SLC45A1: variants seen among roughly 807,000 people sequenced by gnomAD.
SLC45A1 encodes the protein proton-associated sugar transporter A.
SLC45A1 carries 28 observed loss-of-function variants against 57.6 expected under a neutral mutation model. The ratio of observed to expected loss-of-function variants is 0.49; its 90% CI spans 0.36 to 0.67. The LOEUF is 0.67. SLC45A1 is among the 30% of genes least tolerant of loss of function. The pLI, the probability that SLC45A1 is intolerant of heterozygous loss-of-function variation, is 0.00. For synonymous variants in SLC45A1, 459 were observed against 471.5 expected (o/e 0.97, Z 0.34); for missense variants, 814 against 1,041.5 (o/e 0.78, Z 3.01).
chr1:8,320,182 G>C (rs569769233), intron 1 of SLC45A1, among the ~76,000 whole-genome samples: 1 of 152,346 alleles, frequency 6.6e-6, no homozygotes, highest in Non-Finnish European at 1.5e-5. Context: ...TTCTGGTTCA[G>C]ATGCTAGAGA....
At chr1:8,319,358 C>T (rs1017637183) in intron 1 of SLC45A1, among the ~76,000 whole-genome samples, 6 of 152,302 alleles carry the variant, frequency 3.9e-5, no homozygotes, top group African/African-American at 7.2e-5. Context: ...ATTTTCATAA[C>T]GAGAAGAAAG....
intron 5 of SLC45A1, among the ~76,000 whole-genome samples, chr1:8,332,274 C>T (rs940256877): frequency 2.0e-5 from 3 of 152,178 alleles, no homozygotes; most frequent in South Asian, 2.1e-4. Flanking sequence ...TCTTCATGGA[C>T]GGTGGAAACA....
intron 4 of SLC45A1, among the ~76,000 whole-genome samples, chr1:8,329,636 G>T (rs35745282): frequency 0.019 from 2,820 of 152,346 alleles, 94 homozygotes; most frequent in African/African-American, 0.064. Context: ...TGAGAACAGA[G>T]CAGAAACAGC....
intron 4 of SLC45A1, among the ~76,000 whole-genome samples, chr1:8,329,665 T>A (rs1247600812): frequency 6.6e-6 from 1 of 152,214 alleles, no homozygotes; most frequent in Non-Finnish European, 1.5e-5. Flanking sequence ...GATCCCTGCT[T>A]TTCTGCTGTA....
rs908226875 is a variant in SLC45A1, at chr1:8,326,306, T to C, written c.715+264T>C. 7.2e-5 allele frequency among the ~76,000 whole-genome samples: 11 copies of C among 152,252 alleles called. No homozygotes were observed. The highest frequency in any genetic ancestry group is 2.4e-5 in the African/African-American group (1 of 41,474). ...GGATTCTCATTGTTTGAGGTAGTTA[T>C]GTTCTGCAGAGTCACCACAAACACT... On this transcript the variant is annotated intron_variant, in intron 4 of 8. Coordinates refer to ENST00000471889, the MANE Select transcript of SLC45A1 (RefSeq NM_001080397.3). The surrounding 1 kb of genome is among the most constrained non-coding windows in gnomAD (Gnocchi z 5.5).
Position 8,330,977 on chromosome 1 carries a change from C to T in SLC45A1, c.1443+41C>T, listed in dbSNP as rs772886052. 1 of 1,532,392 alleles carries T rather than the reference C, an allele frequency of 6.5e-7. No homozygotes were observed. Among genetic ancestry groups the T allele is most frequent in the Admixed American group, 1.9e-5 (1 of 52,410 alleles). 94.9% of individuals were successfully genotyped at this position (1,532,392 alleles called of 1,614,324 possible). On this transcript the variant is annotated intron_variant, in intron 5 of 8. Coordinates refer to ENST00000471889, the MANE Select transcript of SLC45A1 (RefSeq NM_001080397.3). The surrounding 1 kb of genome is among the most constrained non-coding windows in gnomAD (Gnocchi z 8.4). ...GGGGGAGCTGAGGCTCAGAGGGTGG[C>T]ATTCGGGGGTCCCCTGGTCAGTTAC...
At position 8,318,148 on chromosome 1, in the gene SLC45A1, C is replaced by T. The variant is rs1639877805; in HGVS notation, c.-63C>T. 4.4e-6 allele frequency: 2 copies of T among 453,156 alleles called. No individual in the cohort carries two copies. The highest frequency in any genetic ancestry group is 3.5e-5 in the East Asian group (1 of 28,270). 28.1% of individuals were successfully genotyped at this position (453,156 alleles called of 1,614,324 possible). ...GGGACCGCGGCCGGGCAGGCAGCAG[C>T]CCAGCGGGGACAGGGATGCCTGCCG... is the stretch of plus-strand genomic sequence containing the variant. On this transcript the variant is annotated 5_prime_UTR_variant, in exon 1 of 9. Transcript: ENST00000471889.
chr1:8,326,430 C>T lies in SLC45A1; in HGVS notation c.715+388C>T, dbSNP rs1487921231. Among the ~76,000 whole-genome samples, 3 of 152,190 alleles carry T rather than the reference C, an allele frequency of 2.0e-5. No individual in the cohort carries two copies. The highest frequency in any genetic ancestry group is 4.4e-5 in the Non-Finnish European group (3 of 68,036). Reference sequence around the variant, plus strand: ...TTTTCATCAACGGATCAACACATAACCTTGTTGTATGTGTTTCTGTTTAAA... The same window carrying T: ...TTTTCATCAACGGATCAACACATAATCTTGTTGTATGTGTTTCTGTTTAAA... On this transcript the variant is annotated intron_variant, in intron 4 of 8. Coordinates refer to ENST00000471889, the MANE Select transcript of SLC45A1 (RefSeq NM_001080397.3). The surrounding 1 kb of genome is among the most constrained non-coding windows in gnomAD (Gnocchi z 5.5).
intron 5 of SLC45A1, among the ~76,000 whole-genome samples, chr1:8,333,914 C>T (rs1288559202): frequency 6.6e-6 from 1 of 152,222 alleles, no homozygotes; most frequent in Non-Finnish European, 1.5e-5. Context: ...ACACAGCGAG[C>T]TCCCGTCTGG....
rs780739839 is a variant in SLC45A1 at position 8,335,608 on chromosome 1, C to T, written c.1597+18C>T. ...CTTCCTGGGTGAGCTCCCGGCCAAG[C>T]CTCCCCGTGAGTCCTGGTCCTGCTC... is the stretch of plus-strand genomic sequence containing the variant. On this transcript the variant is annotated intron_variant, in intron 6 of 8. Transcript: ENST00000471889. This position sits in a 1 kb window ranked among gnomAD's most constrained non-coding sequence, Gnocchi z 4.1. The T allele has an allele frequency of 4.1e-5, 65 of 1,587,012 alleles. No homozygotes were observed. The highest frequency in any genetic ancestry group is 3.4e-4 in the Middle Eastern group (2 of 5,908).
intron 8 of SLC45A1, among the ~76,000 whole-genome samples, chr1:8,341,053 A>G (rs550946484): frequency 8.0e-4 from 121 of 151,934 alleles, no homozygotes; most frequent in African/African-American, 2.9e-3. Context: ...TTAGCTGGGC[A>G]TGGTGGCGCG....
At chr1:8,339,407 G>C (rs1640729991) in intron 7 of SLC45A1, 86 bp from the exon 8 acceptor site, 5 of 1,358,888 alleles carry the variant, frequency 3.7e-6, no homozygotes, top group Non-Finnish European at 1.0e-6. Context: ...GCTAGCTTCA[G>C]GTCAGCCGCC....
intron 8 of SLC45A1, among the ~76,000 whole-genome samples, chr1:8,340,938 G>C (rs975446114): frequency 6.6e-6 from 1 of 152,048 alleles, no homozygotes; most frequent in Non-Finnish European, 1.5e-5. Flanking sequence ...CACACCTGTA[G>C]TCCCAGGTAC....
Position 8,343,652 on chromosome 1 carries a change from C to A in SLC45A1, c.1981-95C>A. 7.0e-7 allele frequency: 1 copy of A among 1,424,470 alleles called. No individual in the cohort carries two copies. Among genetic ancestry groups the A allele is most frequent in the Non-Finnish European group, 9.5e-7 (1 of 1,050,414 alleles). The allele number at this position is 1,424,470 out of a possible 1,614,324, so 88.2% of individuals were successfully genotyped here. ...AAATGTGAGGCCGCTGTGTGTGGGC[C>A]GCTCGGGCCTCCTGGGCTCGCAGGA... On this transcript the variant is annotated intron_variant, in intron 8 of 8. Transcript: ENST00000471889. The surrounding 1 kb of genome is among the most constrained non-coding windows in gnomAD (Gnocchi z 7.7).
rs137918218 is a variant in SLC45A1 at position 8,330,643 on chromosome 1, G to A, written c.1150G>A (p.Gly384Ser). 2.2e-5 allele frequency: 36 copies of A among 1,613,310 alleles called. No homozygotes were observed. The African/African-American group carries it at 3.2e-4, about 14-fold the overall frequency. The change falls in exon 5 of 9, where the codon GGC becomes AGC. Residue 384 changes from glycine (G) to serine (S), a missense_variant. Transcript: ENST00000471889. The surrounding 1 kb of genome is among the most constrained non-coding windows in gnomAD (Gnocchi z 8.4). ...DSVLIDCFTG[G>S]HDSYLAIPGS... is the part of the protein sequence containing the mutation. ...CGTCCTCATTGACTGCTTCACGGGCGGCCACGACAGCTACCTGGCCATCCC... is the reference window on the plus strand; with the variant it reads ...CGTCCTCATTGACTGCTTCACGGGCAGCCACGACAGCTACCTGGCCATCCC...
chr1:8,336,082 C>A (rs1640601729), intron 6 of SLC45A1: 1 of 154,338 alleles, frequency 6.5e-6, no homozygotes, highest in East Asian at 1.9e-4. Flanking sequence ...CATTTAGTCT[C>A]TTTCTGCTGT....
chr1:8,326,145 G>A lies in SLC45A1; in HGVS notation c.715+103G>A. 2.3e-6 allele frequency: 2 copies of A among 851,510 alleles called. No individual in the cohort carries two copies. Among genetic ancestry groups the A allele is most frequent in the African/African-American group, 1.7e-5 (1 of 59,374 alleles). 52.7% of individuals were successfully genotyped at this position (851,510 alleles called of 1,614,324 possible). A position where few individuals can be genotyped will look rare whatever the true frequency, so the allele number is the denominator to read the frequency against. ...CACTCCCTGATTTAACAAAGAAGCT[G>A]GGAGAATTCCAATACATGGAGAAAC... On this transcript the variant is annotated intron_variant, in intron 4 of 8. Coordinates refer to ENST00000471889, the MANE Select transcript of SLC45A1 (RefSeq NM_001080397.3). The surrounding 1 kb of genome is among the most constrained non-coding windows in gnomAD (Gnocchi z 5.5).
rs1640303470 is a variant in SLC45A1, at chr1:8,329,476, C to A, written c.716-733C>A. On this transcript the variant is annotated intron_variant, in intron 4 of 8. Transcript: ENST00000471889. ...CCCCTGCAGCTTCCCTGGCTCTTGCCATCGAAGCACAGAGCCTGGCTGGAA... is the reference window on the plus strand; with the variant it reads ...CCCCTGCAGCTTCCCTGGCTCTTGCAATCGAAGCACAGAGCCTGGCTGGAA... Among the ~76,000 whole-genome samples the A allele has an allele frequency of 1.3e-5, 2 of 152,238 alleles. 1 individual carries two copies. The highest frequency in any genetic ancestry group is 4.1e-4 in the South Asian group (2 of 4,830).
At chr1:8,339,812 C>CAGCG (rs1018515382) in intron 8 of SLC45A1, 114 bp downstream of exon 8, 7 of 1,006,572 alleles carry the variant, frequency 7.0e-6, no homozygotes, top group Non-Finnish European at 7.7e-6. Context: ...AATGTCAAGA[C>CAGCG]AGCGACCACA....
Sources: gnomAD v4.1 joint callset for allele counts (sites outside exome capture counted in the v4.1 genomes callset) on GRCh38, gnomAD v4.1.1 for gene constraint, Gnocchi (gnomAD v3.1) non-coding constraint, MANE v1.5 for transcripts, NCBI Gene and HGNC (gene_info 2026-07-23, HGNC 2026-07-21) for gene names.